Variants in ERAP2 observed in about 807,000 individuals in gnomAD.
ERAP2 encodes endoplasmic reticulum aminopeptidase 2.
ERAP2 carries 118 observed loss-of-function variants against 111.1 expected under a neutral mutation model. The ratio of observed to expected loss-of-function variants is 1.06; its 90% CI spans 0.92 to 1.24. ERAP2 has a LOEUF of 1.24. Among genes scored for constraint, ERAP2 ranks in the 50% most tolerant of loss-of-function variants. The pLI is 0.00. For missense variants in ERAP2, 1,131 were observed against 1,125.8 expected, an observed-to-expected ratio of 1.00 and a Z score of -0.07; for synonymous variants, 410 against 401.2, an observed-to-expected ratio of 1.02 and a Z score of -0.26.
In ERAP2 at chr5:96,909,015, T is replaced by C. The variant is rs17486915; in HGVS notation, c.2067T>C (p.His689=). 0.049 allele frequency: 79,788 copies of C among 1,614,024 alleles called. 2,305 individuals carry two copies. Among genetic ancestry groups the C allele is most frequent in the Middle Eastern group, 0.097 (589 of 6,062 alleles). ...KALDMTYYLQ[H]ETSSPALLEG... is the part of the protein sequence containing the mutation. Reference sequence around the variant, plus strand: ...TTGACATGACTTACTACCTCCAACATGAAACAAGCAGCCCCGCACTTCTCG... The same window carrying C: ...TTGACATGACTTACTACCTCCAACACGAAACAAGCAGCCCCGCACTTCTCG... Residue 689 remains histidine (H), a synonymous_variant, in exon 14 of 19, where the codon CAT becomes CAC. Transcript: ENST00000437043.
intron 17 of ERAP2, among the ~76,000 whole-genome samples, chr5:96,913,944 T>C (rs2859491): frequency 0.62 from 94,912 of 152,064 alleles, 29,786 homozygotes; most frequent in South Asian, 0.73. Context: ...GAAAGAAACC[T>C]AGTCAGGAGT....
rs41506651 is a variant in ERAP2 at position 96,879,976 on chromosome 5, C to T, written c.291C>T (p.Ile97=). The stretch of plus-strand genomic sequence containing the variant: ...TGGACTTTGTTGCATCTGAGAAGAT[C>T]GAAGTCTTGGTCAGCAATGCTACCC... The part of the protein sequence containing the change: ...TSLDFVASEK[I]EVLVSNATQF... Residue 97 remains isoleucine (I), a synonymous_variant, in exon 2 of 19, where the codon ATC becomes ATT. Transcript: ENST00000437043. 152,426 of 1,614,048 alleles carry T rather than the reference C, an allele frequency of 0.094. 7,922 individuals carry two copies. Among genetic ancestry groups the T allele is most frequent in the Middle Eastern group, 0.19 (1,160 of 6,060 alleles).
intron 12 of ERAP2, 171 bp downstream of exon 12, chr5:96,902,524 A>G: frequency 3.8e-6 from 2 of 526,602 alleles, no homozygotes; most frequent in Non-Finnish European, 6.7e-6. Context: ...GAAAATCTGG[A>G]TTTTTCATTC....
intron 1 of ERAP2, among the ~76,000 whole-genome samples, chr5:96,877,824 T>G (rs916082462): frequency 1.3e-5 from 2 of 151,202 alleles, no homozygotes; most frequent in Non-Finnish European, 2.9e-5. Context: ...TAGCAGTAAT[T>G]TAATGCTTGT....
In ERAP2 at chr5:96,887,303, C is replaced by CTT. The variant is rs34313928; in HGVS notation, c.849+528_849+529dup. ...TTTTGGGCATGTATGTTGTTTCCGA[C>CTT]TTTTTTTTTTTTTTTGAGACAGAGT... On this transcript the variant is annotated intron_variant, in intron 4 of 18. Transcript: ENST00000437043. Among the ~76,000 whole-genome samples, 585 of 137,514 alleles carry CTT rather than the reference C, an allele frequency of 4.3e-3. 5 individuals are homozygous for CTT. Among genetic ancestry groups the CTT allele is most frequent in the African/African-American group, 6.0e-3 (221 of 36,950 alleles). The allele number at this position is 137,514 out of a possible 152,430, so 90.2% of individuals were successfully genotyped here.
intron 13 of ERAP2, among the ~76,000 whole-genome samples, chr5:96,905,221 G>T (rs1333156479): frequency 1.3e-5 from 2 of 152,172 alleles, no homozygotes; most frequent in African/African-American, 4.8e-5. Flanking sequence ...TTCAAATAAT[G>T]TGAAGTTGAG....
chr5:96,883,954 T>G lies in ERAP2; in HGVS notation c.714+24T>G, dbSNP rs777650524. ...AGGTATGTCCACTTCCAGAAACTTT[T>G]AGAAATTGTTCTCAAGTTGAGACTC... On this transcript the variant is annotated intron_variant, in intron 3 of 18. Transcript: ENST00000437043. 1.9e-6 allele frequency: 3 copies of G among 1,549,792 alleles called. No individual in the cohort carries two copies. The East Asian group carries it at 7.1e-5, about 37-fold the overall frequency.
rs147147232 is a variant in ERAP2 at position 96,886,685 on chromosome 5, T to C, written c.745T>C (p.Leu249=). 1.5e-5 allele frequency: 24 copies of C among 1,552,228 alleles called. No homozygotes were observed. The African/African-American group carries it at 2.3e-4, about 15-fold the overall frequency. ...GACAATTGAACTTGAAGGAGGTCTT[T>C]TGGAAGATCACTTTGAAACTACTGT... ...VKTIELEGGL[L]EDHFETTVKM... The change falls in exon 4 of 19, where the codon TTG becomes CTG. Residue 249 remains leucine (L), a synonymous_variant. Transcript: ENST00000437043.
At chr5:96,915,113 C>T (rs760756046) in intron 17 of ERAP2, among the ~76,000 whole-genome samples, 1 of 151,870 alleles carries the variant, frequency 6.6e-6, no homozygotes, top group Non-Finnish European at 1.5e-5. Context: ...GTTCAAGTGA[C>T]TCTCCTGCCT....
Position 96,895,138 on chromosome 5 carries a change from G to A in ERAP2, c.1126-108G>A. 3 of 635,652 alleles carry A rather than the reference G, an allele frequency of 4.7e-6. No homozygotes were observed. In the South Asian group the frequency reaches 6.2e-5, roughly 13 times the overall value. The allele number at this position is 635,652 out of a possible 1,614,324, so 39.4% of individuals were successfully genotyped here. A position where few individuals can be genotyped will look rare whatever the true frequency, so the allele number is the denominator to read the frequency against. On this transcript the variant is annotated intron_variant, in intron 6 of 18. Coordinates refer to ENST00000437043, the MANE Select transcript of ERAP2 (RefSeq NM_022350.5). Reference sequence around the variant, plus strand: ...AGAGAAAAGGGTAGCAAAGAGAGAAGAGAGATCCTAACTAATAAAAAAAAA... The same window carrying A: ...AGAGAAAAGGGTAGCAAAGAGAGAAAAGAGATCCTAACTAATAAAAAAAAA...
In ERAP2 at chr5:96,909,783, C is replaced by A. The variant is rs772419139; in HGVS notation, c.2354+19C>A. 6.2e-7 allele frequency: 1 copy of A among 1,609,336 alleles called. No homozygotes were observed. On this transcript the variant is annotated intron_variant, in intron 15 of 18. Transcript: ENST00000437043. ...AATTAAAGTAGATGTAGACTTCTGT[C>A]CTACCCTTTGTTCTTTTCTCTTTGA...
intron 9 of ERAP2, among the ~76,000 whole-genome samples, chr5:96,897,419 C>T (rs539464548): frequency 2.0e-5 from 3 of 152,190 alleles, no homozygotes; most frequent in Non-Finnish European, 4.4e-5. Context: ...AGCCCTCATT[C>T]GTTTGCCTGT....
At chr5:96,896,707 T>C (rs1156778170) in intron 8 of ERAP2, 25 bp from the exon 9 acceptor site, 2 of 1,551,656 alleles carry the variant, frequency 1.3e-6, no homozygotes, top group East Asian at 4.5e-5. Context: ...ATCTCTTTTT[T>C]CAACTCTTTT....
Position 96,896,718 on chromosome 5 carries a change from G to GC in ERAP2, c.1372-14_1372-13insC. On this transcript the variant is annotated splice_polypyrimidine_tract_variant and intron_variant, in intron 8 of 18. Coordinates refer to ENST00000437043, the MANE Select transcript of ERAP2 (RefSeq NM_022350.5). ...CTTTATCTCTTTTTTCAACTCTTTT[G>GC]TTTTTTTTTAAAGGGAGCTTGTATT... The GC allele has an allele frequency of 6.9e-7, 1 of 1,456,986 alleles. No individual in the cohort carries two copies. The highest frequency in any genetic ancestry group is 2.5e-5 in the East Asian group (1 of 40,604). The allele number at this position is 1,456,986 out of a possible 1,614,324, so 90.3% of individuals were successfully genotyped here. A position where few individuals can be genotyped will look rare whatever the true frequency, so the allele number is the denominator to read the frequency against.
intron 18 of ERAP2, among the ~76,000 whole-genome samples, chr5:96,917,002 G>A (rs1787487504): frequency 6.6e-6 from 1 of 152,168 alleles, no homozygotes; most frequent in Non-Finnish European, 1.5e-5. Context: ...GAACAATTAT[G>A]CAGAAAAGTA....
At chr5:96,885,596 C>T (rs192731072) in intron 3 of ERAP2, among the ~76,000 whole-genome samples, 8 of 152,282 alleles carry the variant, frequency 5.3e-5, no homozygotes, top group Admixed American at 3.9e-4. Context: ...AAGCTATTTT[C>T]TCTTGCCAAA....
intron 12 of ERAP2, 51 bp from the exon 13 acceptor site, chr5:96,903,326 C>T (rs1785685511): frequency 7.1e-7 from 1 of 1,400,110 alleles, no homozygotes; most frequent in Non-Finnish European, 9.7e-7. Context: ...TGGAGATGTT[C>T]TGAATAAGTT....
chr5:96,913,718 T>C (rs1055006336), intron 17 of ERAP2, among the ~76,000 whole-genome samples: 1 of 152,200 alleles, frequency 6.6e-6, no homozygotes, highest in Admixed American at 6.5e-5. Flanking sequence ...CCGAGTTGAA[T>C]TAAATGCAGT....
rs756431714 is a variant in ERAP2, at chr5:96,903,403, A to C, written c.1855A>C (p.Ser619Arg). 6.2e-7 allele frequency: 1 copy of C among 1,613,376 alleles called. No individual in the cohort carries two copies. The highest frequency in any genetic ancestry group is 8.5e-7 in the Non-Finnish European group (1 of 1,179,688). Reference sequence around the variant, plus strand: ...TACTCTGGATCTACCTGAAAAGACCAGTTGGGTGAAATTTAATGTGGACTC... The same window carrying C: ...TACTCTGGATCTACCTGAAAAGACCCGTTGGGTGAAATTTAATGTGGACTC... The part of the protein sequence containing the change: ...TDTLDLPEKT[S>R]WVKFNVDSNG... Residue 619 changes from serine to arginine, a missense_variant, in exon 13 of 19, where the codon AGT becomes CGT. Ser to Arg is a moderately radical substitution (Grantham distance 110). Coordinates refer to ENST00000437043, the MANE Select transcript of ERAP2 (RefSeq NM_022350.5).
Sources: gnomAD v4.1 joint callset for allele counts (sites outside exome capture counted in the v4.1 genomes callset) on GRCh38, gnomAD v4.1.1 for gene constraint, MANE v1.5 for transcripts, NCBI Gene and HGNC (gene_info 2026-07-23, HGNC 2026-07-21) for gene names.